Variants in ADGRB3 observed in about 807,000 individuals in gnomAD.
ADGRB3 encodes the protein adhesion G protein-coupled receptor B3, also known as brain-specific angiogenesis inhibitor 3.
Under a neutral mutation model 193.4 loss-of-function variants are expected in ADGRB3, and 37 were observed. The observed-to-expected ratio is 0.19, with a 90% CI of 0.15 to 0.25. The LOEUF is 0.25. ADGRB3 is among the 10% of genes least tolerant of loss of function. The pLI is 1.00. For synonymous variants in ADGRB3, 690 were observed against 644.2 expected (o/e 1.07, Z -1.08); for missense variants, 1,637 against 1,852.9 (o/e 0.88, Z 2.14).
chr6:69,253,700 C>CT (rs1259074061), intron 20 of ADGRB3, among the ~76,000 whole-genome samples: 17 of 152,226 alleles, frequency 1.1e-4, no homozygotes, highest in Non-Finnish European at 2.1e-4. Context: ...TTTCAATACT[C>CT]TGTCTTTTGG....
chr6:69,201,079 A>G (rs748369686), intron 17 of ADGRB3, among the ~76,000 whole-genome samples: 5 of 152,152 alleles, frequency 3.3e-5, no homozygotes, highest in Non-Finnish European at 5.9e-5. Flanking sequence ...GAACTTGCCC[A>G]TAAATCATCC....
chr6:69,140,311 T>A (rs539274577), intron 17 of ADGRB3, among the ~76,000 whole-genome samples: 139 of 152,186 alleles, frequency 9.1e-4, no homozygotes, highest in African/African-American at 3.3e-3. Context: ...AAGAAAAAAA[T>A]TGCAATCTTA....
In ADGRB3 at chr6:69,084,986, T is replaced by A. The variant is rs183275137; in HGVS notation, c.2480+8948T>A. On this transcript the variant is annotated intron_variant, in intron 17 of 31. Transcript: ENST00000370598. Reference sequence around the variant, plus strand: ...AGGAAGGATAGTTATTCCTATTCTCTTGTTTGAAAAATGGGTCTTAGGTAT... The same window carrying A: ...AGGAAGGATAGTTATTCCTATTCTCATGTTTGAAAAATGGGTCTTAGGTAT... Among the ~76,000 whole-genome samples the A allele has an allele frequency of 1.6e-4, 25 of 152,300 alleles. No homozygotes were observed. In the East Asian group the frequency reaches 3.5e-3, roughly 21 times the overall value.
chr6:68,970,829 G>A (rs1254798909), intron 8 of ADGRB3, among the ~76,000 whole-genome samples: 2 of 152,224 alleles, frequency 1.3e-5, no homozygotes, highest in East Asian at 1.9e-4. Flanking sequence ...GAATGCCTGG[G>A]TGAGTGGTGG....
intron 13 of ADGRB3, among the ~76,000 whole-genome samples, chr6:69,021,877 A>G (rs368030027): frequency 2.0e-5 from 3 of 151,896 alleles, no homozygotes; most frequent in Non-Finnish European, 4.4e-5. Flanking sequence ...ACATTTTGGT[A>G]TATATGTGTG....
chr6:69,250,891 T>C (rs559098245), intron 20 of ADGRB3, among the ~76,000 whole-genome samples: 61 of 152,316 alleles, frequency 4.0e-4, no homozygotes, highest in African/African-American at 1.4e-3. Flanking sequence ...GCTTCTATTA[T>C]TACACTTGGA....
At chr6:68,848,305 A>G (rs959159135) in intron 3 of ADGRB3, among the ~76,000 whole-genome samples, 1 of 152,056 alleles carries the variant, frequency 6.6e-6, no homozygotes, top group Non-Finnish European at 1.5e-5. Context: ...ATAAAACACA[A>G]TCTATTATCC....
intron 21 of ADGRB3, among the ~76,000 whole-genome samples, chr6:69,325,697 A>C (rs1423596021): frequency 5.9e-5 from 9 of 152,230 alleles, no homozygotes; most frequent in Admixed American, 5.9e-4. Flanking sequence ...ATACAATAAT[A>C]TCTACTGTAT....
intron 3 of ADGRB3, among the ~76,000 whole-genome samples, chr6:68,818,713 A>G (rs1458974449): frequency 1.3e-5 from 2 of 152,108 alleles, no homozygotes; most frequent in African/African-American, 4.8e-5. Context: ...AAAATGAACT[A>G]TCCAAGCTTC....
chr6:68,845,984 T>C (rs979956189), intron 3 of ADGRB3, among the ~76,000 whole-genome samples: 3 of 152,096 alleles, frequency 2.0e-5, no homozygotes, highest in African/African-American at 4.8e-5. Flanking sequence ...TTGTTGAATG[T>C]TTTTGACCAA....
chr6:68,903,277 T>A (rs1250330206), intron 3 of ADGRB3, among the ~76,000 whole-genome samples: 1 of 152,164 alleles, frequency 6.6e-6, no homozygotes. Context: ...CATTATTGTA[T>A]CTCTAAATCT....
chr6:68,744,482 C>T (rs1766042934), intron 3 of ADGRB3, among the ~76,000 whole-genome samples: 1 of 152,052 alleles, frequency 6.6e-6, no homozygotes, highest in South Asian at 2.1e-4. Flanking sequence ...GACTTGGAAC[C>T]AGACCAAAAG....
intron 17 of ADGRB3, among the ~76,000 whole-genome samples, chr6:69,190,628 A>G (rs554797561): frequency 6.6e-6 from 1 of 152,234 alleles, no homozygotes; most frequent in South Asian, 2.1e-4. Flanking sequence ...AGCGTAACTT[A>G]AGTGTACAGT....
intron 3 of ADGRB3, among the ~76,000 whole-genome samples, chr6:68,694,312 C>T (rs1189068844): frequency 6.6e-6 from 1 of 151,990 alleles, no homozygotes; most frequent in Admixed American, 6.6e-5. Context: ...AATTTTATTT[C>T]CTAACTTGGT....
At chr6:69,036,842 G>C (rs1461283514) in intron 13 of ADGRB3, among the ~76,000 whole-genome samples, 3 of 152,130 alleles carry the variant, frequency 2.0e-5, no homozygotes, top group African/African-American at 4.8e-5. Flanking sequence ...GTAGGTCAAG[G>C]CATAAAATTT....
intron 16 of ADGRB3, among the ~76,000 whole-genome samples, chr6:69,067,903 T>C (rs1582436396): frequency 6.6e-6 from 1 of 152,278 alleles, no homozygotes. Context: ...AAAAACACTT[T>C]AGTATGATTG....
intron 3 of ADGRB3, among the ~76,000 whole-genome samples, chr6:68,691,404 G>A (rs544750244): frequency 2.0e-5 from 3 of 152,118 alleles, no homozygotes; most frequent in African/African-American, 7.2e-5. Context: ...TAGTGTCTGA[G>A]TTTTATTCCT....
chr6:68,713,478 A>G (rs1156299154), intron 3 of ADGRB3, among the ~76,000 whole-genome samples: 59 of 151,004 alleles, frequency 3.9e-4, no homozygotes, highest in Non-Finnish European at 1.6e-4. Context: ...TTCTGCCTCC[A>G]TCTTTGCTTC....
At chr6:68,931,913 T>C (rs1172380858) in intron 4 of ADGRB3, among the ~76,000 whole-genome samples, 1 of 152,200 alleles carries the variant, frequency 6.6e-6, no homozygotes, top group Non-Finnish European at 1.5e-5. Flanking sequence ...AACTTGCTTA[T>C]CTGGATCCCT....
Sources: allele counts gnomAD v4.1 joint callset (sites outside exome capture counted in the v4.1 genomes callset), GRCh38; gene constraint gnomAD v4.1.1; transcripts MANE v1.5; gene names NCBI Gene and HGNC (gene_info 2026-07-23, HGNC 2026-07-21).